Variants in TMEM130 observed in about 807,000 individuals in gnomAD.
TMEM130 encodes the protein transmembrane protein 130.
In TMEM130, 37 loss-of-function variants were observed where a neutral mutation model predicts 42.9. The ratio of observed to expected loss-of-function variants is 0.86; its 90% CI spans 0.66 to 1.13. The LOEUF is 1.13. Ranked by LOEUF, TMEM130 falls within the 50% of genes most tolerant of loss-of-function variation. The probability of loss-of-function intolerance (pLI) is 0.00; values close to 1 mark genes in which losing one functional copy is unlikely to be tolerated. For missense variants in TMEM130, 545 were observed against 562.6 expected, an observed-to-expected ratio of 0.97 and a Z score of 0.32; for synonymous variants, 259 against 237.7, an observed-to-expected ratio of 1.09 and a Z score of -0.82.
chr7:98,854,560 G>A (rs2116083904), intron 5 of TMEM130, among the ~76,000 whole-genome samples: 1 of 152,310 alleles, frequency 6.6e-6, no homozygotes. Flanking sequence ...GCAACATAGT[G>A]AGAACCCATC....
intron 7 of TMEM130, 113 bp downstream of exon 7, chr7:98,848,470 C>T (rs915413423): frequency 7.0e-6 from 6 of 855,112 alleles, no homozygotes; most frequent in Admixed American, 2.1e-5. Context: ...CCCGGAGCCT[C>T]GCTGTAATAT....
intron 4 of TMEM130, 66 bp downstream of exon 4, chr7:98,855,951 T>C (rs1299979113): frequency 6.4e-7 from 1 of 1,556,892 alleles, no homozygotes; most frequent in African/African-American, 1.3e-5. Context: ...AGAGCCACTG[T>C]GATCTGTGCG....
At chr7:98,867,705 C>T (rs2116144891) in intron 1 of TMEM130, among the ~76,000 whole-genome samples, 1 of 152,286 alleles carries the variant, frequency 6.6e-6, no homozygotes, top group East Asian at 1.9e-4. Context: ...GACACTGGCC[C>T]AGCTCATGGG....
At position 98,869,791 on chromosome 7, in the gene TMEM130, G is replaced by A; in HGVS notation, c.71C>T (p.Ala24Val). Residue 24 changes from alanine (A) to valine (V), a missense_variant, in exon 1 of 8, where the codon GCA becomes GTA. Transcript: ENST00000339375. This position sits in a 1 kb window ranked among gnomAD's most constrained non-coding sequence, Gnocchi z 4.7. ...WLACLLPWAPAGVAAGLYELN... is the reference protein window; with the variant it reads ...WLACLLPWAPVGVAAGLYELN... ...CAGCGCCTTACCTGCGGCCACCCCTGCCGGGGCCCAGGGCAGGAGGCAGGC... is the reference window on the plus strand; with the variant it reads ...CAGCGCCTTACCTGCGGCCACCCCTACCGGGGCCCAGGGCAGGAGGCAGGC... The A allele has an allele frequency of 7.0e-7, 1 of 1,429,016 alleles. No individual in the cohort carries two copies. The highest frequency in any genetic ancestry group is 9.2e-7 in the Non-Finnish European group (1 of 1,092,082). 88.5% of individuals were successfully genotyped at this position (1,429,016 alleles called of 1,614,324 possible).
chr7:98,850,810 T>G (rs1794482583), intron 6 of TMEM130, among the ~76,000 whole-genome samples: 1 of 152,204 alleles, frequency 6.6e-6, no homozygotes, highest in Non-Finnish European at 1.5e-5. Flanking sequence ...CAGTGGCAAC[T>G]GCTGGGGCAG....
chr7:98,851,853 C>T (rs73404949), intron 5 of TMEM130, among the ~76,000 whole-genome samples: 4 of 152,064 alleles, frequency 2.6e-5, no homozygotes, highest in African/African-American at 4.8e-5. Flanking sequence ...AACAGAGATA[C>T]GCATAGACTG....
chr7:98,850,273 A>ATATATATATATTTTTTTTTTTTTT, intron 6 of TMEM130, among the ~76,000 whole-genome samples: 4 of 35,462 alleles, frequency 1.1e-4, no homozygotes, highest in East Asian at 7.7e-4. Flanking sequence ...ATATATATAT[A>ATATATATATATTTTTTTTTTTTTT]TTTTTTTTTT....
rs1247993732 is a variant in TMEM130, at chr7:98,860,215, G to A, written c.515C>T (p.Thr172Ile). Reference protein sequence around the residue: ...LLHDPSNFLKTALFLYSWDFG... With the variant: ...LLHDPSNFLKIALFLYSWDFG... ...GTCCCAGCTGTAGAGAAACAAGGCG[G>A]TCTTGAGGAAGTTGCTCGGGTCGTG... Residue 172 changes from threonine (T) to isoleucine (I), a missense_variant, in exon 3 of 8, where the codon ACC becomes ATC. By Grantham distance (89) the Thr-to-Ile change is moderately conservative. Coordinates refer to ENST00000339375, the MANE Select transcript of TMEM130 (RefSeq NM_152913.3). The A allele has an allele frequency of 1.2e-6, 2 of 1,613,958 alleles. No individual in the cohort carries two copies. The highest frequency in any genetic ancestry group is 1.7e-6 in the Non-Finnish European group (2 of 1,179,956).
rs1282113584 is a variant in TMEM130 at position 98,861,422 on chromosome 7, G to GA, written c.392-1085dup. ...TGTCCTATGTCTACTTCTCTAAAAA[G>GA]AAAAAAAATTGGTGGGGCACGGTGG... On this transcript the variant is annotated intron_variant, in intron 2 of 7. Coordinates refer to ENST00000339375, the MANE Select transcript of TMEM130 (RefSeq NM_152913.3). Among the ~76,000 whole-genome samples, 5 of 151,632 alleles carry GA rather than the reference G, an allele frequency of 3.3e-5. No individual in the cohort carries two copies. The East Asian group carries it at 5.8e-4, about 18-fold the overall frequency.
intron 5 of TMEM130, among the ~76,000 whole-genome samples, chr7:98,854,377 A>G (rs1241239747): frequency 1.5e-5 from 2 of 137,418 alleles, no homozygotes; most frequent in East Asian, 4.6e-4. Flanking sequence ...ATCCCTCCCA[A>G]CCTTTGTCTC....
At chr7:98,862,284 G>A (rs1477040092) in intron 2 of TMEM130, among the ~76,000 whole-genome samples, 1 of 83,238 alleles carries the variant, frequency 1.2e-5, no homozygotes, top group Non-Finnish European at 2.3e-5. Context: ...CAGAGACAAA[G>A]AGACAGAGAC....
intron 6 of TMEM130, among the ~76,000 whole-genome samples, 164 bp downstream of exon 6, chr7:98,851,257 G>A (rs187994865): frequency 1.2e-4 from 18 of 152,244 alleles, no homozygotes; most frequent in East Asian, 3.9e-4. Context: ...TGATGTTGGC[G>A]GTCACTGGAG....
At chr7:98,860,396 A>G in intron 2 of TMEM130, 58 bp from the exon 3 acceptor site, 1 of 1,503,704 alleles carries the variant, frequency 6.7e-7, no homozygotes, top group Non-Finnish European at 9.0e-7. Flanking sequence ...TCAGGAAACC[A>G]GGTAGAGACT....
At chr7:98,859,649 A>G (rs1428743956) in intron 3 of TMEM130, among the ~76,000 whole-genome samples, 1 of 152,090 alleles carries the variant, frequency 6.6e-6, no homozygotes, top group East Asian at 1.9e-4. Flanking sequence ...CCAAGGTGGG[A>G]GGATCACTTG....
In TMEM130 at chr7:98,856,017, C is replaced by T; in HGVS notation, c.718G>A (p.Glu240Lys). Residue 240 changes from glutamate (E) to lysine (K), a missense_variant and splice_region_variant, in exon 4 of 8, where the codon GAA becomes AAA. Coordinates refer to ENST00000339375, the MANE Select transcript of TMEM130 (RefSeq NM_152913.3). ...TGCATCAGCCTGCCTGGACACCCAC[C>T]CTGCAGCTTCAGCGAGGCGGAGAAG... is the stretch of plus-strand genomic sequence containing the variant. ...GDFSASLKLQ[E>K]TLRGIQVLGP... 1 of 1,612,338 alleles carries T rather than the reference C, an allele frequency of 6.2e-7. No individual in the cohort carries two copies. Among genetic ancestry groups the T allele is most frequent in the Admixed American group, 1.7e-5 (1 of 59,992 alleles).
chr7:98,848,471 G>C (rs946984626), intron 7 of TMEM130, 112 bp downstream of exon 7: 12 of 860,442 alleles, frequency 1.4e-5, no homozygotes, highest in Non-Finnish European at 2.3e-5. Context: ...CCGGAGCCTC[G>C]CTGTAATATC....
Position 98,869,972 on chromosome 7 carries a change from G to A in TMEM130, c.-111C>T. ...GCGCGCAGCGCGGGCGGTGCGGGGA[G>A]GTGCGGGCGCCGTGCTCGCTCGTCC... On this transcript the variant is annotated 5_prime_UTR_variant, in exon 1 of 8. Coordinates refer to ENST00000339375, the MANE Select transcript of TMEM130 (RefSeq NM_152913.3). This position sits in a 1 kb window ranked among gnomAD's most constrained non-coding sequence, Gnocchi z 4.7. The A allele has an allele frequency of 1.4e-6, 1 of 710,988 alleles. No individual in the cohort carries two copies. Among genetic ancestry groups the A allele is most frequent in the Admixed American group, 4.4e-5 (1 of 22,580 alleles). 44.0% of individuals were successfully genotyped at this position (710,988 alleles called of 1,614,324 possible).
chr7:98,869,958 G>C lies in TMEM130; in HGVS notation c.-97C>G. On this transcript the variant is annotated 5_prime_UTR_variant, in exon 1 of 8. Transcript: ENST00000339375. The surrounding 1 kb of genome is among the most constrained non-coding windows in gnomAD (Gnocchi z 4.7). ...GGTCGCTCCTCCGGGCGCGCAGCGC[G>C]GGCGGTGCGGGGAGGTGCGGGCGCC... is the stretch of plus-strand genomic sequence containing the variant. 1.2e-6 allele frequency: 1 copy of C among 866,338 alleles called. No individual in the cohort carries two copies. Among genetic ancestry groups the C allele is most frequent in the Non-Finnish European group, 1.5e-6 (1 of 651,154 alleles). The allele number at this position is 866,338 out of a possible 1,614,324, so 53.7% of individuals were successfully genotyped here.
chr7:98,857,891 A>AT (rs1794672226), intron 3 of TMEM130, among the ~76,000 whole-genome samples: 1 of 151,484 alleles, frequency 6.6e-6, no homozygotes, highest in Non-Finnish European at 1.5e-5. Flanking sequence ...TGCCTGGCTA[A>AT]TTTTTGTTTG....
Sources: allele counts gnomAD v4.1 joint callset (sites outside exome capture counted in the v4.1 genomes callset), GRCh38; gene constraint gnomAD v4.1.1; non-coding constraint Gnocchi (gnomAD v3.1); transcripts MANE v1.5; gene names NCBI Gene and HGNC (gene_info 2026-07-23, HGNC 2026-07-21).